The following CHRNA6 variants were observed in gnomAD, a reference collection of about 807,000 sequenced individuals.
The protein encoded by CHRNA6 is neuronal acetylcholine receptor subunit alpha-6.
Under a neutral mutation model 40.9 loss-of-function variants are expected in CHRNA6, and 31 were observed. The ratio of observed to expected loss-of-function variants is 0.76; its 90% CI spans 0.57 to 1.02. The LOEUF (loss-of-function observed/expected upper bound fraction) is 1.02. Ranked by LOEUF, CHRNA6 falls within the 50% of genes least tolerant of loss-of-function variation. CHRNA6 has a pLI of 0.00. For synonymous variants in CHRNA6, 222 were observed against 221.3 expected (o/e 1.00, Z -0.03); for missense variants, 546 against 596.6 (o/e 0.92, Z 0.88).
At chr8:42,757,223 G>A (rs1433164701) in intron 3 of CHRNA6, among the ~76,000 whole-genome samples, 186 bp from the exon 4 acceptor site, 4 of 151,666 alleles carry the variant, frequency 2.6e-5, no homozygotes, top group Admixed American at 6.6e-5. Context: ...AAAATTAGCC[G>A]GGTGTGGTGG....
chr8:42,768,712 G>T lies in CHRNA6; in HGVS notation c.-282C>A, dbSNP rs1817005280. The T allele has an allele frequency of 1.0e-5, 3 of 300,968 alleles. No individual in the cohort carries two copies. Among genetic ancestry groups the T allele is most frequent in the South Asian group, 8.4e-5 (1 of 11,964 alleles). The allele number at this position is 300,968 out of a possible 1,614,324, so 18.6% of individuals were successfully genotyped here. A position where few individuals can be genotyped will look rare whatever the true frequency, so the allele number is the denominator to read the frequency against. ...TGTCTCTTCATGCAAGAAAGGGGAAGAAAAGCAGAAAAGAAATGCTGGGGC... is the reference window on the plus strand; with the variant it reads ...TGTCTCTTCATGCAAGAAAGGGGAATAAAAGCAGAAAAGAAATGCTGGGGC... On this transcript the variant is annotated 5_prime_UTR_variant, in exon 1 of 6. Coordinates refer to ENST00000276410, the MANE Select transcript of CHRNA6 (RefSeq NM_004198.3).
Position 42,768,489 on chromosome 8 carries a change from TATCA to T in CHRNA6, c.-63_-60del. 7.2e-7 allele frequency: 1 copy of T among 1,385,436 alleles called. No homozygotes were observed. The highest frequency in any genetic ancestry group is 1.0e-6 in the Non-Finnish European group (1 of 973,278). 85.8% of individuals were successfully genotyped at this position (1,385,436 alleles called of 1,614,324 possible). Reference sequence around the variant, plus strand: ...CAAAGGATTGTGGAAAACAAAGAGCTATCAGTCAGCCACATGCATCCAACCTTGA... The same window carrying T: ...CAAAGGATTGTGGAAAACAAAGAGCTGTCAGCCACATGCATCCAACCTTGA... On this transcript the variant is annotated 5_prime_UTR_variant, in exon 1 of 6. An upstream open reading frame in the 5' UTR loses its in-frame stop. Transcript: ENST00000276410.
rs376053270 is a variant in CHRNA6 at position 42,756,980 on chromosome 8, G to A, written c.322C>T (p.Leu108Phe). ...CAAATCTTATCTGCAGGAACGCGAAGAGTCTCAATGCCATCATATTCCATT... is the reference window on the plus strand; with the variant it reads ...CAAATCTTATCTGCAGGAACGCGAAAAGTCTCAATGCCATCATATTCCATT... ...DPMEYDGIET[L>F]RVPADKIWKP... Residue 108 changes from leucine to phenylalanine, a missense_variant, in exon 4 of 6, where the codon CTT becomes TTT. Physicochemically the swap from Leu to Phe is conservative, Grantham distance 22. Coordinates refer to ENST00000276410, the MANE Select transcript of CHRNA6 (RefSeq NM_004198.3). The A allele has an allele frequency of 8.1e-6, 13 of 1,614,018 alleles. No homozygotes were observed. The highest frequency in any genetic ancestry group is 1.3e-5 in the African/African-American group (1 of 75,046).
intron 3 of CHRNA6, among the ~76,000 whole-genome samples, chr8:42,758,293 TATG>T (rs1423581112): frequency 6.6e-6 from 1 of 151,922 alleles, no homozygotes; most frequent in East Asian, 1.9e-4. Flanking sequence ...AGTTCAAGGG[TATG>T]ATGATAAGCT....
intron 1 of CHRNA6, among the ~76,000 whole-genome samples, 179 bp downstream of exon 1, chr8:42,768,173 C>T (rs1816998225): frequency 6.6e-6 from 1 of 152,120 alleles, no homozygotes; most frequent in African/African-American, 2.4e-5. Context: ...CAGATTTCAT[C>T]TTTTGTATTA....
intron 2 of CHRNA6, among the ~76,000 whole-genome samples, chr8:42,760,788 G>A (rs1438304660): frequency 6.6e-6 from 1 of 152,226 alleles, no homozygotes. Context: ...GCTGTGTGGA[G>A]GAAGACCATT....
intron 5 of CHRNA6, among the ~76,000 whole-genome samples, chr8:42,754,295 T>C (rs1303962448): frequency 6.6e-6 from 1 of 152,202 alleles, no homozygotes; most frequent in Non-Finnish European, 1.5e-5. Context: ...TCCTCCCGCC[T>C]TAGCCTCCCA....
intron 3 of CHRNA6, among the ~76,000 whole-genome samples, chr8:42,758,809 A>C (rs906203312): frequency 9.9e-5 from 15 of 152,190 alleles, no homozygotes; most frequent in Non-Finnish European, 2.2e-4. Flanking sequence ...CTGGAGCTCA[A>C]GTTACAGAAA....
Position 42,756,690 on chromosome 8 carries a change from T to G in CHRNA6, c.509A>C (p.Gln170Pro), listed in dbSNP as rs1816807574. Residue 170 changes from glutamine to proline, a missense_variant, in exon 5 of 6, where the codon CAA (glutamine) becomes CCA (proline). Physicochemically the swap from Gln to Pro is moderately conservative, Grantham distance 76. Coordinates refer to ENST00000276410, the MANE Select transcript of CHRNA6 (RefSeq NM_004198.3). ...MDITFFPFDH[Q>P]NCSLKFGSWT... ...GGAACCAAATTTTAGGGAACAGTTTTGATGATCAAAAGGGAAAAAGGTGAT... is the reference window on the plus strand; with the variant it reads ...GGAACCAAATTTTAGGGAACAGTTTGGATGATCAAAAGGGAAAAAGGTGAT... The G allele has an allele frequency of 6.2e-7, 1 of 1,614,082 alleles. No individual in the cohort carries two copies. Among genetic ancestry groups the G allele is most frequent in the Admixed American group, 1.7e-5 (1 of 60,006 alleles).
intron 2 of CHRNA6, among the ~76,000 whole-genome samples, chr8:42,759,715 T>C (rs1036870525): frequency 2.0e-5 from 3 of 151,968 alleles, no homozygotes; most frequent in Non-Finnish European, 2.9e-5. Flanking sequence ...CTGGCCAATA[T>C]GGTGAAACCC....
chr8:42,768,208 G>A (rs1816998520), intron 1 of CHRNA6, 144 bp downstream of exon 1: 3 of 567,114 alleles, frequency 5.3e-6, no homozygotes, highest in Non-Finnish European at 9.2e-6. Context: ...AAACCAAATA[G>A]ATTAATTAGC....
chr8:42,764,990 T>TCA, intron 2 of CHRNA6, 75 bp downstream of exon 2: 1 of 1,494,964 alleles, frequency 6.7e-7, no homozygotes, highest in Non-Finnish European at 9.2e-7. Context: ...TCTATCTGTA[T>TCA]TTCTAAAATT....
At chr8:42,755,794 C>T (rs1816788853) in intron 5 of CHRNA6, 52 bp downstream of exon 5, 13 of 1,568,032 alleles carry the variant, frequency 8.3e-6, no homozygotes, top group Non-Finnish European at 1.1e-5. Context: ...TCCAGAGTGC[C>T]CATAGGCTGC....
At position 42,756,632 on chromosome 8, in the gene CHRNA6, T is replaced by C. The variant is rs762896869; in HGVS notation, c.567A>G (p.Leu189=). The C allele has an allele frequency of 1.2e-6, 2 of 1,614,088 alleles. No homozygotes were observed. Among genetic ancestry groups the C allele is most frequent in the Admixed American group, 1.7e-5 (1 of 60,022 alleles). The part of the protein sequence containing the change: ...WTYDKAEIDL[L]IIGSKVDMND... Reference sequence around the variant, plus strand: ...TCATATCCACTTTTGATCCAATGATTAGAAGATCAATTTCAGCTTTGTCAT... The same window carrying C: ...TCATATCCACTTTTGATCCAATGATCAGAAGATCAATTTCAGCTTTGTCAT... The change falls in exon 5 of 6, where the codon CTA becomes CTG. Residue 189 remains leucine, a synonymous_variant. Coordinates refer to ENST00000276410, the MANE Select transcript of CHRNA6 (RefSeq NM_004198.3).
rs1009557683 is a variant in CHRNA6, at chr8:42,755,744, C to T, written c.1353+102G>A. 3.7e-6 allele frequency: 5 copies of T among 1,364,698 alleles called. No homozygotes were observed. In the African/African-American group the frequency reaches 5.8e-5, roughly 16 times the overall value. 84.5% of individuals were successfully genotyped at this position (1,364,698 alleles called of 1,614,324 possible). A position where few individuals can be genotyped will look rare whatever the true frequency, so the allele number is the denominator to read the frequency against. On this transcript the variant is annotated intron_variant, in intron 5 of 5. Coordinates refer to ENST00000276410, the MANE Select transcript of CHRNA6 (RefSeq NM_004198.3). Reference sequence around the variant, plus strand: ...GGTCTCAGAGCAAGGCCGCCTGACCCTCTCAGGAACAAAAGTCACACTGAA... The same window carrying T: ...GGTCTCAGAGCAAGGCCGCCTGACCTTCTCAGGAACAAAAGTCACACTGAA...
In CHRNA6 at chr8:42,756,276, A is replaced by T. The variant is rs1264415609; in HGVS notation, c.923T>A (p.Leu308Gln). Residue 308 changes from leucine (L) to glutamine (Q), a missense_variant, in exon 5 of 6, where the codon CTG becomes CAG. Around this residue, in one of 3 missense-constraint regions of CHRNA6, gnomAD observed 476 missense variants for 494.5 expected, o/e 0.96. Coordinates refer to ENST00000276410, the MANE Select transcript of CHRNA6 (RefSeq NM_004198.3). ...LVVPLVGEYLLFTMIFVTLSI... is the reference protein window; with the variant it reads ...LVVPLVGEYLQFTMIFVTLSI... ...CAGTGTGACAAAGATCATGGTGAAC[A>T]GCAGGTACTCACCCACCAGTGGGAC... is the stretch of plus-strand genomic sequence containing the variant. 1 of 1,614,140 alleles carries T rather than the reference A, an allele frequency of 6.2e-7. No individual in the cohort carries two copies. Among genetic ancestry groups the T allele is most frequent in the East Asian group, 2.2e-5 (1 of 44,904 alleles).
chr8:42,756,294 A>G lies in CHRNA6; in HGVS notation c.905T>C (p.Leu302Pro). The G allele has an allele frequency of 1.2e-6, 2 of 1,614,236 alleles. No homozygotes were observed. Among genetic ancestry groups the G allele is most frequent in the Non-Finnish European group, 1.7e-6 (2 of 1,180,030 alleles). ...TIPSTSLVVP[L>P]VGEYLLFTMI... ...GGTGAACAGCAGGTACTCACCCACC[A>G]GTGGGACCACCAGAGATGTGGATGG... is the stretch of plus-strand genomic sequence containing the variant. Residue 302 changes from leucine to proline, a missense_variant, in exon 5 of 6, where the codon CTG (leucine) becomes CCG (proline). Physicochemically the swap from Leu to Pro is moderately conservative, Grantham distance 98 (BLOSUM62 -3). This residue lies in a region of CHRNA6 where 476 missense variants were observed against 494.5 expected (regional missense o/e 0.96). Transcript: ENST00000276410.
Position 42,768,533 on chromosome 8 carries a change from C to T in CHRNA6, c.-103G>A, listed in dbSNP as rs1169339388. ...TCCAACCTTGACATCATCAGAAGCC[C>T]ACTGCAATCCGTGTGTGTCTTCTCA... On this transcript the variant is annotated 5_prime_UTR_variant, in exon 1 of 6. Transcript: ENST00000276410. The T allele has an allele frequency of 5.2e-6, 4 of 768,642 alleles. No homozygotes were observed. The highest frequency in any genetic ancestry group is 1.6e-5 in the South Asian group (1 of 64,310). The allele number at this position is 768,642 out of a possible 1,614,324, so 47.6% of individuals were successfully genotyped here. A position where few individuals can be genotyped will look rare whatever the true frequency, so the allele number is the denominator to read the frequency against.
chr8:42,755,057 C>CTTTTTTTT (rs1816774271), intron 5 of CHRNA6, among the ~76,000 whole-genome samples: 1 of 112,340 alleles, frequency 8.9e-6, no homozygotes, highest in African/African-American at 5.4e-5. Flanking sequence ...TTTTTTTTTC[C>CTTTTTTTT]TGAGACAGGG....
Sources: allele counts gnomAD v4.1 joint callset (sites outside exome capture counted in the v4.1 genomes callset), GRCh38; gene constraint gnomAD v4.1.1; regional missense constraint gnomAD v4.1.1; transcripts MANE v1.5; gene names NCBI Gene and HGNC (gene_info 2026-07-23, HGNC 2026-07-21).